SRD5A2: variants seen among roughly 807,000 people sequenced by gnomAD.
SRD5A2 encodes 3-oxo-5-alpha-steroid 4-dehydrogenase 2.
Under a neutral mutation model 27.4 loss-of-function variants are expected in SRD5A2, and 30 were observed. The observed-to-expected ratio is 1.10, with a 90% confidence interval of 0.82 to 1.49. The LOEUF is 1.49. Among genes scored for constraint, SRD5A2 ranks in the 40% most tolerant of loss-of-function variants. The pLI is 0.00. For synonymous variants in SRD5A2, 141 were observed against 133.6 expected (o/e 1.06, Z -0.38); for missense variants, 348 against 323.4 (o/e 1.08, Z -0.58).
chr2:31,636,598 A>G, the SRD5A2 span, among the ~76,000 whole-genome samples: 1 of 152,038 alleles, frequency 6.6e-6, no homozygotes, highest in East Asian at 1.9e-4. Context: ...CATGAGTATG[A>G]TGTTAGCTGT....
the SRD5A2 span, among the ~76,000 whole-genome samples, chr2:31,619,967 G>A: frequency 2.0e-5 from 3 of 151,970 alleles, no homozygotes; most frequent in African/African-American, 7.2e-5. Context: ...GTCAATTTTT[G>A]TTCTTGTTAC....
the SRD5A2 span, among the ~76,000 whole-genome samples, chr2:31,597,199 A>G: frequency 6.6e-6 from 1 of 152,168 alleles, no homozygotes; most frequent in Non-Finnish European, 1.5e-5. Flanking sequence ...ATCTTTGACA[A>G]AGCAAACAGA....
chr2:31,581,074 C>T (rs1052907709), upstream of SRD5A2: 1 of 675,330 alleles, frequency 1.5e-6, no homozygotes, highest in Non-Finnish European at 2.4e-6. Context: ...CGCAGCAATA[C>T]CCCTTTCTCA....
chr2:31,583,127 A>C (rs146721255), upstream of SRD5A2, among the ~76,000 whole-genome samples: 2,513 of 152,052 alleles, frequency 0.017, 42 homozygotes, highest in Admixed American at 0.037. Flanking sequence ...AACAATATTC[A>C]CTCATTCATC....
At chr2:31,558,279 T>C (rs1666542090) in intron 1 of SRD5A2, among the ~76,000 whole-genome samples, 1 of 152,234 alleles carries the variant, frequency 6.6e-6, no homozygotes, top group Non-Finnish European at 1.5e-5. Context: ...TGACCTGTCC[T>C]GCTCTGAAGT....
intron 1 of SRD5A2, among the ~76,000 whole-genome samples, chr2:31,564,342 A>G (rs899295186): frequency 2.6e-5 from 4 of 152,052 alleles, no homozygotes; most frequent in Non-Finnish European, 5.9e-5. Context: ...GAAGAATAGC[A>G]ATAGAAATTA....
chr2:31,570,085 C>T (rs1342277388), intron 1 of SRD5A2, among the ~76,000 whole-genome samples: 2 of 151,986 alleles, frequency 1.3e-5, no homozygotes, highest in African/African-American at 4.8e-5. Context: ...AAAAAGAAAA[C>T]TTCAGGCCAA....
At position 31,557,545 on chromosome 2, in the gene SRD5A2, G is replaced by A. The variant is rs556856123; in HGVS notation, c.281+23075C>T. On this transcript the variant is annotated intron_variant, in intron 1 of 4. Coordinates refer to ENST00000622030, the MANE Select transcript of SRD5A2 (RefSeq NM_000348.4). ...ACCATAGGAAAAACTCAATGTGAAGGCTACCTAGTAATCAACAATTTGTTT... is the reference window on the plus strand; with the variant it reads ...ACCATAGGAAAAACTCAATGTGAAGACTACCTAGTAATCAACAATTTGTTT... Among the ~76,000 whole-genome samples the A allele has an allele frequency of 3.3e-5, 5 of 152,212 alleles. No individual in the cohort carries two copies. The East Asian group carries it at 9.6e-4, about 29-fold the overall frequency.
chr2:31,623,128 T>C, the SRD5A2 span, among the ~76,000 whole-genome samples: 2 of 152,072 alleles, frequency 1.3e-5, no homozygotes, highest in Admixed American at 6.6e-5. Flanking sequence ...GCAAAACTTC[T>C]TGAACCACCA....
the SRD5A2 span, among the ~76,000 whole-genome samples, chr2:31,622,715 C>T: frequency 6.6e-6 from 1 of 152,026 alleles, no homozygotes; most frequent in Non-Finnish European, 1.5e-5. Context: ...AGCAGTAAAC[C>T]ACCATATAGT....
the SRD5A2 span, among the ~76,000 whole-genome samples, chr2:31,639,036 A>G: frequency 6.6e-6 from 1 of 151,950 alleles, no homozygotes; most frequent in Non-Finnish European, 1.5e-5. Flanking sequence ...AAGTGGGAAT[A>G]TCTTTTAGTT....
At chr2:31,571,580 T>A (rs1201152732) in intron 1 of SRD5A2, among the ~76,000 whole-genome samples, 3 of 152,030 alleles carry the variant, frequency 2.0e-5, no homozygotes, top group African/African-American at 7.2e-5. Context: ...AGAGTAAACA[T>A]GCAACTTACA....
chr2:31,610,406 A>C, the SRD5A2 span, among the ~76,000 whole-genome samples: 1 of 152,204 alleles, frequency 6.6e-6, no homozygotes, highest in South Asian at 2.1e-4. Context: ...TGATATCAAC[A>C]AAGTAGAAAA....
chr2:31,558,420 C>T (rs1183897156), intron 1 of SRD5A2, among the ~76,000 whole-genome samples: 30 of 152,210 alleles, frequency 2.0e-4, no homozygotes, highest in Non-Finnish European at 5.9e-5. Context: ...CAGAGCCATG[C>T]TTCCTCTAAA....
At chr2:31,637,040 G>A in the SRD5A2 span, among the ~76,000 whole-genome samples, 1 of 152,012 alleles carries the variant, frequency 6.6e-6, no homozygotes, top group Non-Finnish European at 1.5e-5. Flanking sequence ...AGTTTGAATA[G>A]AACTGGTATT....
At chr2:31,660,383 G>A in the SRD5A2 span, among the ~76,000 whole-genome samples, 1 of 152,042 alleles carries the variant, frequency 6.6e-6, no homozygotes, top group Non-Finnish European at 1.5e-5. Flanking sequence ...TTTACCTTTT[G>A]ACTCAGCAAC....
chr2:31,547,399 T>C (rs1434881521), intron 1 of SRD5A2, among the ~76,000 whole-genome samples: 1 of 152,190 alleles, frequency 6.6e-6, no homozygotes, highest in Non-Finnish European at 1.5e-5. Flanking sequence ...CCCAGGTGCA[T>C]CTGTGAGGGT....
chr2:31,575,042 A>G (rs1157731438), intron 1 of SRD5A2, among the ~76,000 whole-genome samples: 1 of 152,208 alleles, frequency 6.6e-6, no homozygotes, highest in African/African-American at 2.4e-5. Flanking sequence ...AATTAATCTT[A>G]ATTTATTTAA....
the SRD5A2 span, among the ~76,000 whole-genome samples, chr2:31,649,450 A>T: frequency 6.6e-6 from 1 of 152,188 alleles, no homozygotes; most frequent in Non-Finnish European, 1.5e-5. Flanking sequence ...CTTGAAAATT[A>T]AAAAATAAAT....
Sources: allele counts gnomAD v4.1 joint callset (sites outside exome capture counted in the v4.1 genomes callset), GRCh38; gene constraint gnomAD v4.1.1; transcripts MANE v1.5; gene names NCBI Gene and HGNC (gene_info 2026-07-23, HGNC 2026-07-21).